Variants in ST3GAL1 observed in about 807,000 individuals in gnomAD.
ST3GAL1 encodes the protein CMP-N-acetylneuraminate-beta-galactosamide-alpha-2,3-sialyltransferase 1.
A neutral mutation model predicts 34.1 loss-of-function variants in ST3GAL1; 16 were observed. The observed-to-expected ratio is 0.47, with a 90% CI of 0.32 to 0.71. The LOEUF (loss-of-function observed/expected upper bound fraction) is 0.71. Ranked by LOEUF, ST3GAL1 falls within the 30% of genes least tolerant of loss-of-function variation. The probability of loss-of-function intolerance (pLI) is 0.04; values close to 1 mark genes in which losing one functional copy is unlikely to be tolerated. For synonymous variants in ST3GAL1, 191 were observed against 184.7 expected (o/e 1.03, Z -0.28); for missense variants, 353 against 447.4 (o/e 0.79, Z 1.90).
At chr8:133,531,814 GAAA>G (rs55909710) in intron 2 of ST3GAL1, among the ~76,000 whole-genome samples, 31,268 of 100,544 alleles carry the variant, frequency 0.31, 2,983 homozygotes, top group East Asian at 0.45. Flanking sequence ...CTTAAAAACA[GAAA>G]AAAAAAAAAA....
chr8:133,464,622 G>C (rs1389596759), intron 7 of ST3GAL1, among the ~76,000 whole-genome samples, 156 bp downstream of exon 7: 1 of 152,156 alleles, frequency 6.6e-6, no homozygotes, highest in East Asian at 1.9e-4. Flanking sequence ...GGAGTAGTCG[G>C]GGAGGCGGCC....
At chr8:133,537,031 C>T (rs1467552956) in intron 2 of ST3GAL1, among the ~76,000 whole-genome samples, 1 of 152,100 alleles carries the variant, frequency 6.6e-6, no homozygotes, top group Non-Finnish European at 1.5e-5. Context: ...AGATCAGTGC[C>T]CCAGACTGCC....
At chr8:133,565,808 A>G (rs1819378104) in intron 1 of ST3GAL1, among the ~76,000 whole-genome samples, 1 of 152,250 alleles carries the variant, frequency 6.6e-6, no homozygotes. Context: ...CAACGTGCCC[A>G]AGGTCCCCGG....
chr8:133,547,127 G>A (rs2131077537), intron 1 of ST3GAL1, among the ~76,000 whole-genome samples: 2 of 152,276 alleles, frequency 1.3e-5, no homozygotes, highest in South Asian at 4.1e-4. Flanking sequence ...TCTGCAGTGT[G>A]GCTTTGCCTC....
At chr8:133,551,837 T>TA (rs1391166612) in intron 1 of ST3GAL1, among the ~76,000 whole-genome samples, 1 of 152,266 alleles carries the variant, frequency 6.6e-6, no homozygotes, top group Non-Finnish European at 1.5e-5. Flanking sequence ...AAGCCCTTTA[T>TA]ACTCAAAAGC....
At position 133,564,045 on chromosome 8, in the gene ST3GAL1, G is replaced by A. The variant is rs142486846; in HGVS notation, c.-582+7648C>T. On this transcript the variant is annotated intron_variant, in intron 1 of 9. Coordinates refer to ENST00000522652, the MANE Select transcript of ST3GAL1 (RefSeq NM_173344.3). Reference sequence around the variant, plus strand: ...CTTTTGCAACAAATCGCTCCATGCTGCATCTCCTTTGCTGTGTGTCTCTTG... The same window carrying A: ...CTTTTGCAACAAATCGCTCCATGCTACATCTCCTTTGCTGTGTGTCTCTTG... Among the ~76,000 whole-genome samples, 1,006 of 152,322 alleles carry A rather than the reference G, an allele frequency of 6.6e-3. 10 individuals carry two copies. Among genetic ancestry groups the A allele is most frequent in the African/African-American group, 0.023 (952 of 41,564 alleles).
At chr8:133,511,868 G>A (rs1817507549) in intron 2 of ST3GAL1, among the ~76,000 whole-genome samples, 2 of 152,020 alleles carry the variant, frequency 1.3e-5, no homozygotes, top group South Asian at 2.1e-4. Flanking sequence ...TCTGGCCAAC[G>A]TGGTGAAACC....
chr8:133,494,068 A>G (rs976421622), intron 3 of ST3GAL1, among the ~76,000 whole-genome samples: 3 of 152,196 alleles, frequency 2.0e-5, no homozygotes, highest in African/African-American at 7.2e-5. Flanking sequence ...TTCTCAGTGA[A>G]GAAAAGGGAT....
At position 133,455,556 on chromosome 8, in the gene ST3GAL1, G is replaced by C. The variant is rs1315930137; in HGVS notation, c.*4208C>G. 3 of 152,214 alleles carry C rather than the reference G, an allele frequency of 2.0e-5. No homozygotes were observed. The highest frequency in any genetic ancestry group is 4.4e-5 in the Non-Finnish European group (3 of 68,076). 9.4% of individuals were successfully genotyped at this position (152,214 alleles called of 1,614,324 possible). A position where few individuals can be genotyped will look rare whatever the true frequency, so the allele number is the denominator to read the frequency against. On this transcript the variant is annotated 3_prime_UTR_variant, in exon 10 of 10. Transcript: ENST00000522652. ...GGAGGTTGACTCTATCTCAAAACTA[G>C]CTAGCCCAGTCCACAGGGCAGGATA...
At chr8:133,496,053 C>CT (rs1253404332) in intron 3 of ST3GAL1, among the ~76,000 whole-genome samples, 2 of 152,138 alleles carry the variant, frequency 1.3e-5, no homozygotes, top group Non-Finnish European at 2.9e-5. Flanking sequence ...TGATGATGGG[C>CT]TTGCTGGTCA....
At position 133,571,811 on chromosome 8, in the gene ST3GAL1, T is replaced by C. The variant is rs60776551; in HGVS notation, c.-700A>G. 7,949 of 153,798 alleles carry C rather than the reference T, an allele frequency of 0.052. 406 individuals are homozygous for C. Among genetic ancestry groups the C allele is most frequent in the African/African-American group, 0.13 (5,525 of 41,506 alleles). 9.5% of individuals were successfully genotyped at this position (153,798 alleles called of 1,614,324 possible). On this transcript the variant is annotated 5_prime_UTR_variant, in exon 1 of 10. Coordinates refer to ENST00000522652, the MANE Select transcript of ST3GAL1 (RefSeq NM_173344.3). This position sits in a 1 kb window ranked among gnomAD's most constrained non-coding sequence, Gnocchi z 6.7. ...TTCCCAGCTCACATCGCCTCTTCCT[T>C]CTCTCTCCGCTCTTCTTCCTCCTCC... is the stretch of plus-strand genomic sequence containing the variant.
At chr8:133,463,530 G>C in intron 7 of ST3GAL1, 71 bp from the exon 8 acceptor site, 1 of 1,522,692 alleles carries the variant, frequency 6.6e-7, no homozygotes, top group South Asian at 1.1e-5. Context: ...ATGCAGCTCT[G>C]GGGGTAGTGG....
chr8:133,550,134 T>C (rs1322002677), intron 1 of ST3GAL1, among the ~76,000 whole-genome samples: 3 of 152,212 alleles, frequency 2.0e-5, no homozygotes, highest in African/African-American at 7.2e-5. Flanking sequence ...AACAGCCTGA[T>C]GAGCTCCTTA....
intron 2 of ST3GAL1, among the ~76,000 whole-genome samples, chr8:133,502,972 G>C (rs1182346900): frequency 6.6e-6 from 1 of 152,200 alleles, no homozygotes; most frequent in Non-Finnish European, 1.5e-5. Context: ...TGCCATCTCT[G>C]AGCAGAAAGC....
rs1815347644 is a variant in ST3GAL1 at position 133,457,592 on chromosome 8, G to A, written c.*2172C>T. The A allele has an allele frequency of 6.6e-6, 1 of 152,208 alleles. No homozygotes were observed. The highest frequency in any genetic ancestry group is 1.5e-5 in the Non-Finnish European group (1 of 68,038). The allele number at this position is 152,208 out of a possible 1,614,324, so 9.4% of individuals were successfully genotyped here. On this transcript the variant is annotated 3_prime_UTR_variant, in exon 10 of 10. Transcript: ENST00000522652. ...CTCAGAAAAAAGAAAAGTCTTTAAA[G>A]TTTTGGAGGATTTTAAAGCTGAAAC... is the stretch of plus-strand genomic sequence containing the variant.
chr8:133,491,336 C>T (rs1344939649), intron 3 of ST3GAL1, among the ~76,000 whole-genome samples: 2 of 151,988 alleles, frequency 1.3e-5, no homozygotes, highest in South Asian at 2.1e-4. Context: ...TTGCACTATG[C>T]GCGCACCCAG....
intron 2 of ST3GAL1, among the ~76,000 whole-genome samples, chr8:133,506,384 A>C (rs545826362): frequency 5.9e-5 from 9 of 152,360 alleles, no homozygotes; most frequent in African/African-American, 2.2e-4. Flanking sequence ...TCCCTAAATA[A>C]GAGCAAATAT....
Position 133,502,219 on chromosome 8 carries a change from T to A in ST3GAL1, c.-428-3030A>T, listed in dbSNP as rs117742540. ...CAGTGCTTGCCTGTAGGCCAGACGC[T>A]GTCCTAACCCATTTAAATCATCACA... On this transcript the variant is annotated intron_variant, in intron 2 of 9. Coordinates refer to ENST00000522652, the MANE Select transcript of ST3GAL1 (RefSeq NM_173344.3). Among the ~76,000 whole-genome samples the A allele has an allele frequency of 1.1e-3, 164 of 152,290 alleles. 1 individual carries two copies. In the East Asian group the frequency reaches 0.019, roughly 18 times the overall value.
rs60990775 is a variant in ST3GAL1 at position 133,565,151 on chromosome 8, C to CTGTGTGTGTGTGTGTG, written c.-582+6526_-582+6541dup. Among the ~76,000 whole-genome samples, 109 of 139,402 alleles carry CTGTGTGTGTGTGTGTG rather than the reference C, an allele frequency of 7.8e-4. 2 individuals carry two copies. The highest frequency in any genetic ancestry group is 3.9e-3 in the Middle Eastern group (1 of 256). 91.5% of individuals were successfully genotyped at this position (139,402 alleles called of 152,430 possible). A position where few individuals can be genotyped will look rare whatever the true frequency, so the allele number is the denominator to read the frequency against. On this transcript the variant is annotated intron_variant, in intron 1 of 9. Transcript: ENST00000522652. ...CAAATGAGATAACAGCTCTGTGTGC[C>CTGTGTGTGTGTGTGTG]TGTGTGTGTGTGTGTGTGTGTGTGT...
Sources: gnomAD v4.1 joint callset for allele counts (sites outside exome capture counted in the v4.1 genomes callset) on GRCh38, gnomAD v4.1.1 for gene constraint, Gnocchi (gnomAD v3.1) non-coding constraint, MANE v1.5 for transcripts, NCBI Gene and HGNC (gene_info 2026-07-23, HGNC 2026-07-21) for gene names.